The following SLC6A19 variants were observed in gnomAD, a reference collection of about 807,000 sequenced individuals.
SLC6A19 encodes the protein sodium-dependent neutral amino acid transporter B(0)AT1.
Under a neutral mutation model 68.3 loss-of-function variants are expected in SLC6A19, and 67 were observed. The ratio of observed to expected loss-of-function variants is 0.98; its 90% CI spans 0.81 to 1.20. The LOEUF is 1.20. SLC6A19 is among the 50% of genes most tolerant of loss of function. SLC6A19 has a pLI of 0.00. For synonymous variants in SLC6A19, 392 were observed against 374.9 expected, an observed-to-expected ratio of 1.05 and a Z score of -0.53; for missense variants, 813 against 851.6, an observed-to-expected ratio of 0.95 and a Z score of 0.56.
At chr5:1,205,598 A>C (rs574590098) in intron 1 of SLC6A19, among the ~76,000 whole-genome samples, 1 of 152,348 alleles carries the variant, frequency 6.6e-6, no homozygotes, top group African/African-American at 2.4e-5. Context: ...TGGGGTTTTC[A>C]AGGATGAGTA....
intron 11 of SLC6A19, 136 bp downstream of exon 11, chr5:1,221,449 G>A (rs915909723): frequency 2.4e-5 from 29 of 1,191,688 alleles, no homozygotes; most frequent in African/African-American, 6.0e-5. Flanking sequence ...ACACTCAGGT[G>A]CAGTCCAGCC....
chr5:1,221,835 G>A lies in SLC6A19; in HGVS notation c.1836G>A (p.Lys612=), dbSNP rs372644190. 1.3e-4 allele frequency: 211 copies of A among 1,614,102 alleles called. No homozygotes were observed. The highest frequency in any genetic ancestry group is 1.7e-4 in the Non-Finnish European group (204 of 1,180,062). The change falls in exon 12 of 12, where the codon AAG becomes AAA. Residue 612 remains lysine (K), a synonymous_variant. Coordinates refer to ENST00000304460, the MANE Select transcript of SLC6A19 (RefSeq NM_001003841.3). ...AGCTCATCAGGAACCACTGCCAGAA[G>A]CCAGGGGACCATCAGGGGCTGGTGA... ...IYKLIRNHCQ[K]PGDHQGLVST... is the part of the protein sequence containing the mutation.
chr5:1,218,373 C>T (rs1746264193), intron 8 of SLC6A19, among the ~76,000 whole-genome samples: 1 of 152,160 alleles, frequency 6.6e-6, no homozygotes, highest in Admixed American at 6.5e-5. Flanking sequence ...GACCACTGAT[C>T]GCCAGGACCG....
At chr5:1,218,539 G>A (rs1037512858) in intron 8 of SLC6A19, among the ~76,000 whole-genome samples, 2 of 152,322 alleles carry the variant, frequency 1.3e-5, no homozygotes, top group East Asian at 1.9e-4. Context: ...TTCCGAGCAC[G>A]TCCAGGGTAT....
chr5:1,220,969 G>A (rs142444799), intron 10 of SLC6A19, among the ~76,000 whole-genome samples, 182 bp from the exon 11 acceptor site: 13 of 152,280 alleles, frequency 8.5e-5, no homozygotes, highest in East Asian at 3.9e-4. Context: ...GCTGCTGGCC[G>A]TGCCCACAGA....
chr5:1,209,545 C>T lies in SLC6A19; in HGVS notation c.343+659C>T, dbSNP rs1314283403. ...CTCCCTCCAGGCCCAGGGCAGAGCC[C>T]ACACCCTCTCGCTGAGTATCCAAGA... On this transcript the variant is annotated intron_variant, in intron 2 of 11. Coordinates refer to ENST00000304460, the MANE Select transcript of SLC6A19 (RefSeq NM_001003841.3). The surrounding 1 kb of genome is among the most constrained non-coding windows in gnomAD (Gnocchi z 5.5). Among the ~76,000 whole-genome samples, 1 of 152,114 alleles carries T rather than the reference C, an allele frequency of 6.6e-6. No individual in the cohort carries two copies. Among genetic ancestry groups the T allele is most frequent in the Non-Finnish European group, 1.5e-5 (1 of 68,010 alleles).
In SLC6A19 at chr5:1,208,769, A is replaced by G. The variant is rs1213035014; in HGVS notation, c.226A>G (p.Ile76Val). ...GGGAFMIPFLILLVLEGIPLL... is the reference protein window; with the variant it reads ...GGGAFMIPFLVLLVLEGIPLL... Reference sequence around the variant, plus strand: ...AGGAGCCTTCATGATCCCGTTCCTCATCCTGCTGGTCCTGGAGGGCATCCC... The same window carrying G: ...AGGAGCCTTCATGATCCCGTTCCTCGTCCTGCTGGTCCTGGAGGGCATCCC... The change falls in exon 2 of 12, where the codon ATC (isoleucine) becomes GTC (valine). Residue 76 changes from isoleucine (I) to valine (V), a missense_variant. Ile to Val is a conservative substitution (Grantham distance 29, BLOSUM62 3). Transcript: ENST00000304460. 1.2e-6 allele frequency: 2 copies of G among 1,613,258 alleles called. No homozygotes were observed. Among genetic ancestry groups the G allele is most frequent in the Admixed American group, 3.3e-5 (2 of 60,022 alleles).
chr5:1,216,568 GAGA>G lies in SLC6A19; in HGVS notation c.901_903del (p.Lys301del), dbSNP rs752102522. The G allele has an allele frequency of 6.2e-7, 1 of 1,614,098 alleles. No homozygotes were observed. The highest frequency in any genetic ancestry group is 8.5e-7 in the Non-Finnish European group (1 of 1,180,024). On this transcript the variant is annotated inframe_deletion, in exon 7 of 12. Transcript: ENST00000304460. ...TGGTCTCGTCTGCAGCAACAACTGC[GAGA>G]AGGACTCGGTGATTGTGTCCATCAT...
intron 1 of SLC6A19, among the ~76,000 whole-genome samples, chr5:1,205,146 A>T (rs1441737663): frequency 1.3e-5 from 2 of 152,084 alleles, no homozygotes; most frequent in Non-Finnish European, 2.9e-5. Context: ...GTTTCCAGGG[A>T]CCTTTGCAAC....
In SLC6A19 at chr5:1,211,722, G is replaced by A. The variant is rs377401691; in HGVS notation, c.482-581G>A. Among the ~76,000 whole-genome samples the A allele has an allele frequency of 7.3e-5, 11 of 150,378 alleles. No individual in the cohort carries two copies. In the East Asian group the frequency reaches 8.0e-4, roughly 11 times the overall value. On this transcript the variant is annotated intron_variant, in intron 3 of 11. Coordinates refer to ENST00000304460, the MANE Select transcript of SLC6A19 (RefSeq NM_001003841.3). The stretch of plus-strand genomic sequence containing the variant: ...GTGTGGGGTGTAGAGGTACAGTATC[G>A]GATATGCACGTGAGAGTACAGTCAC...
chr5:1,220,517 G>C (rs1180692964), intron 10 of SLC6A19, among the ~76,000 whole-genome samples: 1 of 152,138 alleles, frequency 6.6e-6, no homozygotes, highest in Non-Finnish European at 1.5e-5. Flanking sequence ...CCCAGCAGTG[G>C]GGTTTGCAGG....
chr5:1,219,391 G>A (rs1746300397), intron 9 of SLC6A19, 114 bp from the exon 10 acceptor site: 8 of 1,476,592 alleles, frequency 5.4e-6, no homozygotes, highest in Non-Finnish European at 7.4e-6. Context: ...CCCCGGGTGT[G>A]TGAACAGCTC....
In SLC6A19 at chr5:1,221,156, A is replaced by T; in HGVS notation, c.1544A>T (p.Asn515Ile). Reference protein sequence around the residue: ...VVYVYGVDRFNKDIEFMIGHK... With the variant: ...VVYVYGVDRFIKDIEFMIGHK... ...GCTGTCTCTGGCCTTGGCAGGTTCA[A>T]TAAGGACATCGAGTTCATGATCGGC... is the stretch of plus-strand genomic sequence containing the variant. The change falls in exon 11 of 12, where the codon AAT becomes ATT. Residue 515 changes from asparagine (N) to isoleucine (I), a missense_variant. Asn to Ile is a moderately radical substitution (Grantham distance 149). Coordinates refer to ENST00000304460, the MANE Select transcript of SLC6A19 (RefSeq NM_001003841.3). 1 of 1,613,696 alleles carries T rather than the reference A, an allele frequency of 6.2e-7. No homozygotes were observed. The highest frequency in any genetic ancestry group is 8.5e-7 in the Non-Finnish European group (1 of 1,179,878).
rs548147900 is a variant in SLC6A19, at chr5:1,208,916, C to A, written c.343+30C>A. The A allele has an allele frequency of 4.3e-4, 685 of 1,594,940 alleles. 7 individuals carry two copies. The South Asian group carries it at 7.1e-3, about 17-fold the overall frequency. On this transcript the variant is annotated intron_variant, in intron 2 of 11. Transcript: ENST00000304460. ...GTGCCTCGGAGCAGTTCCACCCGGG[C>A]CCAGGGGTCGCCTCTGCTGGGAAGC...
Position 1,220,226 on chromosome 5 carries a change from G to A in SLC6A19, c.1538+562G>A, listed in dbSNP as rs900611928. ...GCAGTTTGAGACCAGCCTGGCCAAC[G>A]CGATGAAACGCCGTCTCTACTAATA... On this transcript the variant is annotated intron_variant, in intron 10 of 11. Coordinates refer to ENST00000304460, the MANE Select transcript of SLC6A19 (RefSeq NM_001003841.3). Among the ~76,000 whole-genome samples, 14 of 152,084 alleles carry A rather than the reference G, an allele frequency of 9.2e-5. 1 individual carries two copies. The highest frequency in any genetic ancestry group is 1.9e-4 in the African/African-American group (8 of 41,482).
chr5:1,211,775 G>A (rs1246629903), intron 3 of SLC6A19, among the ~76,000 whole-genome samples: 3 of 151,882 alleles, frequency 2.0e-5, no homozygotes, highest in Non-Finnish European at 4.4e-5. Flanking sequence ...GTACATGCAT[G>A]TGCGTGCATG....
Position 1,218,930 on chromosome 5 carries a change from A to G in SLC6A19, c.1201A>G (p.Ile401Val), listed in dbSNP as rs750379512. Reference protein sequence around the residue: ...EAVEGTGLAFIVFTEAITKMP... With the variant: ...EAVEGTGLAFVVFTEAITKMP... ...CGTGGAGGGCACAGGCCTGGCCTTC[A>G]TCGTCTTCACCGAGGCCATCACCAA... Residue 401 changes from isoleucine to valine, a missense_variant, in exon 9 of 12, where the codon ATC (isoleucine) becomes GTC (valine). Physicochemically the swap from Ile to Val is conservative, Grantham distance 29. Coordinates refer to ENST00000304460, the MANE Select transcript of SLC6A19 (RefSeq NM_001003841.3). The G allele has an allele frequency of 6.2e-7, 1 of 1,613,902 alleles. No homozygotes were observed. The highest frequency in any genetic ancestry group is 1.1e-5 in the South Asian group (1 of 91,082).
chr5:1,210,204 G>A (rs942584476), intron 2 of SLC6A19, among the ~76,000 whole-genome samples: 69 of 151,170 alleles, frequency 4.6e-4, no homozygotes, highest in African/African-American at 1.6e-3. Context: ...GGTGTGAGCC[G>A]GGAAGGCGTG....
In SLC6A19 at chr5:1,210,662, C is replaced by T. The variant is rs567640234; in HGVS notation, c.481+81C>T. ...ATAGCAGGCACATGGCCTCAGGAAA[C>T]TCAGGTCAGGCGTGGCAGAAACCAG... On this transcript the variant is annotated intron_variant, in intron 3 of 11. Transcript: ENST00000304460. 120 of 1,593,028 alleles carry T rather than the reference C, an allele frequency of 7.5e-5. 1 individual carries two copies. In the African/African-American group the frequency reaches 1.4e-3, roughly 19 times the overall value.
Sources: allele counts gnomAD v4.1 joint callset (sites outside exome capture counted in the v4.1 genomes callset), GRCh38; gene constraint gnomAD v4.1.1; non-coding constraint Gnocchi (gnomAD v3.1); transcripts MANE v1.5; gene names NCBI Gene and HGNC (gene_info 2026-07-23, HGNC 2026-07-21).